SCHIP1: variants seen among roughly 807,000 people sequenced by gnomAD.
SCHIP1 encodes the protein schwannomin interacting protein 1.
A neutral mutation model predicts 29.7 loss-of-function variants in SCHIP1; 8 were observed. The ratio of observed to expected loss-of-function variants is 0.27; its 90% confidence interval spans 0.16 to 0.49. The LOEUF (loss-of-function observed/expected upper bound fraction) is 0.49. Among genes scored for constraint, SCHIP1 ranks in the 20% least tolerant of loss-of-function variants. The pLI, the probability that SCHIP1 is intolerant of heterozygous loss-of-function variation, is 0.99. For missense variants in SCHIP1, 193 were observed against 294.6 expected (o/e 0.66, Z 2.52); for synonymous variants, 76 against 94.9 (o/e 0.80, Z 1.16).
the SCHIP1 span, among the ~76,000 whole-genome samples, chr3:159,365,305 A>G: frequency 6.6e-6 from 1 of 152,296 alleles, no homozygotes; most frequent in African/African-American, 2.4e-5. Flanking sequence ...AGGTTATTAC[A>G]TGATATTGCT....
the SCHIP1 span, among the ~76,000 whole-genome samples, chr3:159,338,424 G>A: frequency 6.6e-6 from 1 of 152,148 alleles, no homozygotes; most frequent in Non-Finnish European, 1.5e-5. Context: ...GCGGTAAAGT[G>A]CCAGGGTGTC....
chr3:159,664,823 T>G, the SCHIP1 span, among the ~76,000 whole-genome samples: 2 of 152,230 alleles, frequency 1.3e-5, no homozygotes, highest in Non-Finnish European at 2.9e-5. Flanking sequence ...TGTGTACAAG[T>G]GGCTCTCAAA....
intron 5 of SCHIP1, 35 bp downstream of exon 6, chr3:159,888,978 A>C (rs758606783): frequency 6.2e-7 from 1 of 1,606,890 alleles, no homozygotes. Context: ...TAGGATATTC[A>C]ATGTAAAACA....
the SCHIP1 span, among the ~76,000 whole-genome samples, chr3:159,787,348 C>A: frequency 2.0e-5 from 3 of 152,170 alleles, no homozygotes; most frequent in East Asian, 5.8e-4. Context: ...TCGGCTTTTT[C>A]CATCACACTT....
chr3:159,307,447 G>A, the SCHIP1 span, among the ~76,000 whole-genome samples: 3 of 152,202 alleles, frequency 2.0e-5, no homozygotes, highest in Non-Finnish European at 2.9e-5. Context: ...ATATGCATAG[G>A]AGCAAGGGCT....
the SCHIP1 span, among the ~76,000 whole-genome samples, chr3:159,735,376 C>T: frequency 6.6e-6 from 1 of 151,840 alleles, no homozygotes; most frequent in African/African-American, 2.4e-5. Context: ...ATTACAGGCA[C>T]CCGTCATCAT....
chr3:159,807,657 T>G, the SCHIP1 span, among the ~76,000 whole-genome samples: 1 of 152,112 alleles, frequency 6.6e-6, no homozygotes, highest in South Asian at 2.1e-4. Context: ...AAAATTCTCT[T>G]GGGAAAAATT....
At chr3:159,640,458 C>A in the SCHIP1 span, among the ~76,000 whole-genome samples, 6 of 152,212 alleles carry the variant, frequency 3.9e-5, no homozygotes, top group African/African-American at 1.2e-4. Flanking sequence ...TGGGGATAAA[C>A]CTTATTTCTC....
chr3:159,424,778 G>A, the SCHIP1 span, among the ~76,000 whole-genome samples: 1 of 152,094 alleles, frequency 6.6e-6, no homozygotes, highest in Admixed American at 6.6e-5. Context: ...AAAATGTTAA[G>A]GGCAGCCAGA....
the SCHIP1 span, among the ~76,000 whole-genome samples, chr3:159,285,580 T>G: frequency 6.6e-6 from 1 of 152,132 alleles, no homozygotes; most frequent in Non-Finnish European, 1.5e-5. Flanking sequence ...GTTTCTCATA[T>G]TTCATTGCTT....
the SCHIP1 span, among the ~76,000 whole-genome samples, chr3:159,587,465 C>T: frequency 6.6e-6 from 1 of 151,556 alleles, no homozygotes; most frequent in Admixed American, 6.6e-5. Context: ...GACGTGAATA[C>T]ATAACTTTTT....
chr3:159,484,762 G>T, the SCHIP1 span, among the ~76,000 whole-genome samples: 1 of 152,058 alleles, frequency 6.6e-6, no homozygotes, highest in Non-Finnish European at 1.5e-5. Flanking sequence ...GACCATTTAG[G>T]AGAACAATTA....
the SCHIP1 span, among the ~76,000 whole-genome samples, chr3:159,796,853 G>A: frequency 4.1e-4 from 62 of 152,288 alleles, no homozygotes; most frequent in African/African-American, 1.3e-3. Context: ...GACAGGAAGG[G>A]AAATGACTGA....
At chr3:159,469,604 A>G in the SCHIP1 span, among the ~76,000 whole-genome samples, 1 of 152,314 alleles carries the variant, frequency 6.6e-6, no homozygotes, top group Non-Finnish European at 1.5e-5. Context: ...GTGGAAGACC[A>G]CCATGAGCAC....
the SCHIP1 span, among the ~76,000 whole-genome samples, chr3:159,707,231 G>C: frequency 6.6e-6 from 1 of 152,144 alleles, no homozygotes; most frequent in Non-Finnish European, 1.5e-5. Context: ...GAAAAGGGAA[G>C]AGCGGTCAAG....
At chr3:159,402,661 C>G in the SCHIP1 span, among the ~76,000 whole-genome samples, 1 of 152,114 alleles carries the variant, frequency 6.6e-6, no homozygotes, top group Non-Finnish European at 1.5e-5. Context: ...AACCATCATT[C>G]TCAGCAAACT....
At chr3:159,649,218 T>C in the SCHIP1 span, among the ~76,000 whole-genome samples, 1 of 152,182 alleles carries the variant, frequency 6.6e-6, no homozygotes, top group Non-Finnish European at 1.5e-5. Flanking sequence ...GTGCGTTCAC[T>C]CAGCAAAGAT....
the SCHIP1 span, among the ~76,000 whole-genome samples, chr3:159,652,001 C>T: frequency 4.6e-5 from 7 of 151,688 alleles, no homozygotes; most frequent in South Asian, 2.1e-4. Context: ...GAGGCTGAGG[C>T]GGGAGAATCA....
the SCHIP1 span, among the ~76,000 whole-genome samples, chr3:159,650,164 C>A: frequency 6.6e-6 from 1 of 152,026 alleles, no homozygotes; most frequent in Non-Finnish European, 1.5e-5. Context: ...TATTCTGTCC[C>A]CTCTTTGTTC....
Sources: gnomAD v4.1 joint callset for allele counts (sites outside exome capture counted in the v4.1 genomes callset) on GRCh38, gnomAD v4.1.1 for gene constraint, MANE v1.5 for transcripts, NCBI Gene and HGNC (gene_info 2026-07-23, HGNC 2026-07-21) for gene names.